RGS20: variants seen among roughly 807,000 people sequenced by gnomAD.
RGS20 encodes the protein gz-selective GTPase-activating protein.
In RGS20, 30 loss-of-function variants were observed where a neutral mutation model predicts 33.6. The ratio of observed to expected loss-of-function variants is 0.89; its 90% CI spans 0.67 to 1.21. The LOEUF is 1.21. Among genes scored for constraint, RGS20 ranks in the 50% most tolerant of loss-of-function variants. RGS20 has a pLI of 0.00. For missense variants in RGS20, 472 were observed against 502.4 expected (o/e 0.94, Z 0.58); for synonymous variants, 208 against 197.9 (o/e 1.05, Z -0.43).
At chr8:53,951,355 G>A (rs895842585) in intron 4 of RGS20, among the ~76,000 whole-genome samples, 1 of 152,058 alleles carries the variant, frequency 6.6e-6, no homozygotes, top group Non-Finnish European at 1.5e-5. Flanking sequence ...TGGCTGTGAT[G>A]GTGCGTGCCT....
intron 3 of RGS20, among the ~76,000 whole-genome samples, chr8:53,944,542 A>G (rs1419910925): frequency 6.6e-6 from 1 of 151,974 alleles, no homozygotes; most frequent in East Asian, 1.9e-4. Context: ...CGTCTCAAAA[A>G]AAAAAAAAAA....
At chr8:53,890,332 T>C (rs1003949460) in intron 2 of RGS20, among the ~76,000 whole-genome samples, 7 of 152,262 alleles carry the variant, frequency 4.6e-5, no homozygotes, top group Non-Finnish European at 7.3e-5. Context: ...TTAAATTATC[T>C]GATGAAATTT....
intron 2 of RGS20, chr8:53,880,298 C>G (rs1040214591): frequency 3.9e-5 from 6 of 152,918 alleles, no homozygotes; most frequent in Non-Finnish European, 8.7e-5. Flanking sequence ...TTAGTTCCCC[C>G]CCTTATCCCC....
At chr8:53,940,083 C>G (rs3816772) in intron 3 of RGS20, among the ~76,000 whole-genome samples, 54,832 of 151,962 alleles carry the variant, frequency 0.36, 10,172 homozygotes, top group South Asian at 0.61. Flanking sequence ...TAAGATAGGT[C>G]TTAAAGGTTA....
At chr8:53,910,201 G>T (rs1585911800) in intron 2 of RGS20, among the ~76,000 whole-genome samples, 1 of 152,138 alleles carries the variant, frequency 6.6e-6, no homozygotes, top group Admixed American at 6.5e-5. Context: ...CATGTAGCCA[G>T]CAAAAGTATA....
At chr8:53,878,104 C>T (rs1812248906) in intron 1 of RGS20, among the ~76,000 whole-genome samples, 1 of 152,222 alleles carries the variant, frequency 6.6e-6, no homozygotes, top group African/African-American at 2.4e-5. Flanking sequence ...CGCTGCTTCC[C>T]GCCTCCACCT....
intron 2 of RGS20, among the ~76,000 whole-genome samples, chr8:53,932,114 CAG>C (rs1381077556): frequency 3.3e-5 from 5 of 152,172 alleles, no homozygotes; most frequent in African/African-American, 1.2e-4. Context: ...AGGGTTTCTG[CAG>C]AGAGATGTGC....
intron 3 of RGS20, among the ~76,000 whole-genome samples, chr8:53,943,551 T>A (rs1014343305): frequency 6.6e-6 from 1 of 152,204 alleles, no homozygotes; most frequent in Non-Finnish European, 1.5e-5. Flanking sequence ...ACTATAGACA[T>A]CTTCTAGGTC....
intron 3 of RGS20, among the ~76,000 whole-genome samples, chr8:53,940,684 A>G (rs985628016): frequency 6.6e-6 from 1 of 152,200 alleles, no homozygotes; most frequent in African/African-American, 2.4e-5. Context: ...GGACACAGCA[A>G]TAGAACATCC....
At chr8:53,940,963 T>C (rs1244673359) in intron 3 of RGS20, among the ~76,000 whole-genome samples, 1 of 152,098 alleles carries the variant, frequency 6.6e-6, no homozygotes, top group East Asian at 1.9e-4. Flanking sequence ...TAGGTCTCAG[T>C]GGGGAAATGA....
At chr8:53,858,969 A>G (rs1313573943) in intron 1 of RGS20, among the ~76,000 whole-genome samples, 2 of 151,186 alleles carry the variant, frequency 1.3e-5, no homozygotes, top group African/African-American at 4.9e-5. Context: ...CAGAAGAGAG[A>G]TGTGGTCTTT....
intron 2 of RGS20, among the ~76,000 whole-genome samples, chr8:53,890,227 G>A (rs1812676345): frequency 1.3e-5 from 2 of 152,024 alleles, no homozygotes; most frequent in South Asian, 4.1e-4. Context: ...CTTCCTCTGT[G>A]CCTGAGTCTT....
At chr8:53,885,409 C>A (rs1217625533) in intron 2 of RGS20, among the ~76,000 whole-genome samples, 1 of 152,100 alleles carries the variant, frequency 6.6e-6, no homozygotes, top group East Asian at 1.9e-4. Context: ...GTCAGGACAT[C>A]GAGACCATCC....
intron 2 of RGS20, among the ~76,000 whole-genome samples, chr8:53,917,730 C>T (rs1215998555): frequency 4.6e-5 from 7 of 152,198 alleles, no homozygotes; most frequent in Admixed American, 3.9e-4. Context: ...TATCACACCA[C>T]TGCACTCCAG....
At chr8:53,903,394 A>T (rs1813084313) in intron 2 of RGS20, among the ~76,000 whole-genome samples, 1 of 152,222 alleles carries the variant, frequency 6.6e-6, no homozygotes, top group African/African-American at 2.4e-5. Context: ...GTCAACTTTG[A>T]CTAACCTGGA....
At chr8:53,906,377 A>G (rs1343080033) in intron 2 of RGS20, among the ~76,000 whole-genome samples, 1 of 151,856 alleles carries the variant, frequency 6.6e-6, no homozygotes, top group Non-Finnish European at 1.5e-5. Flanking sequence ...CTCCATCTCA[A>G]AAAAAGAAAA....
intron 2 of RGS20, among the ~76,000 whole-genome samples, chr8:53,900,634 T>A (rs1398935045): frequency 6.6e-6 from 1 of 152,182 alleles, no homozygotes; most frequent in Non-Finnish European, 1.5e-5. Context: ...TCTCATTTAA[T>A]CCTCTTAACA....
At chr8:53,899,902 G>A (rs1812965046) in intron 2 of RGS20, among the ~76,000 whole-genome samples, 1 of 152,176 alleles carries the variant, frequency 6.6e-6, no homozygotes, top group South Asian at 2.1e-4. Flanking sequence ...ACCGCCCTCA[G>A]CAGACCTCCT....
intron 2 of RGS20, among the ~76,000 whole-genome samples, chr8:53,920,013 A>G (rs1233348610): frequency 2.6e-5 from 4 of 152,120 alleles, no homozygotes; most frequent in Non-Finnish European, 5.9e-5. Context: ...AGCTGGGACT[A>G]CAGGCGCACA....
Sources: gnomAD v4.1 joint callset for allele counts (sites outside exome capture counted in the v4.1 genomes callset) on GRCh38, gnomAD v4.1.1 for gene constraint, MANE v1.5 for transcripts, NCBI Gene and HGNC (gene_info 2026-07-23, HGNC 2026-07-21) for gene names.